The following KCNK10 variants were observed in gnomAD, a reference collection of about 807,000 sequenced individuals.
KCNK10 encodes the protein potassium two pore domain channel subfamily K member 10.
In KCNK10, 25 loss-of-function variants were observed where a neutral mutation model predicts 47.7. That is an observed-to-expected ratio of 0.52 (90% CI 0.38 to 0.73). The LOEUF (loss-of-function observed/expected upper bound fraction) is 0.73, where lower values mean the gene tolerates loss of function less well. KCNK10 is among the 30% of genes least tolerant of loss of function. The probability of loss-of-function intolerance (pLI) is 0.00; values close to 1 mark genes in which losing one functional copy is unlikely to be tolerated. For synonymous variants in KCNK10, 303 were observed against 285.6 expected (o/e 1.06, Z -0.61); for missense variants, 563 against 714.5 (o/e 0.79, Z 2.42).
chr14:88,208,427 T>C (rs61975831), intron 4 of KCNK10, among the ~76,000 whole-genome samples: 33,031 of 152,018 alleles, frequency 0.22, 4,683 homozygotes, highest in Non-Finnish European at 0.31. Context: ...AAAGGGTAGA[T>C]AAAAGAGAGA....
intron 2 of KCNK10, among the ~76,000 whole-genome samples, chr14:88,242,736 C>T (rs1433571671): frequency 2.0e-5 from 3 of 152,276 alleles, no homozygotes; most frequent in East Asian, 1.9e-4. Flanking sequence ...TCCTTTCCAC[C>T]GGTAGCATCT....
chr14:88,283,738 C>T (rs555581907), intron 1 of KCNK10, among the ~76,000 whole-genome samples: 2 of 152,042 alleles, frequency 1.3e-5, no homozygotes, highest in South Asian at 2.1e-4. Flanking sequence ...GGTGAAACCC[C>T]GTCTCTACCA....
In KCNK10 at chr14:88,192,249, C is replaced by T. The variant is rs771445031; in HGVS notation, c.843G>A (p.Thr281=). ...CTGCCACAAAATCACCAAAGCCCAC[C>T]GTGGTCAGAGTGACCACCACAAAGT... is the stretch of plus-strand genomic sequence containing the variant. ...SIYFVVVTLT[T]VGFGDFVAGG... The change falls in exon 5 of 7, where the codon ACG becomes ACA. Residue 281 remains threonine (T), a synonymous_variant. Transcript: ENST00000319231. The T allele has an allele frequency of 2.5e-5, 40 of 1,613,286 alleles. No homozygotes were observed. The Middle Eastern group carries it at 4.9e-4, about 20-fold the overall frequency.
In KCNK10 at chr14:88,183,066, A is replaced by G. The variant is rs378522; in HGVS notation, c.*2469T>C. ...AAGACACACATACACACAAACACAC[A>G]CAATCACAAGGATGCATGACACAGA... On this transcript the variant is annotated 3_prime_UTR_variant, in exon 7 of 7. Coordinates refer to ENST00000319231, the MANE Select transcript of KCNK10 (RefSeq NM_138317.3). 0.31 allele frequency: 47,858 copies of G among 152,258 alleles called. 7,971 individuals are homozygous for G. Among genetic ancestry groups the G allele is most frequent in the East Asian group, 0.56 (2,974 of 5,304 alleles). The allele number at this position is 152,258 out of a possible 1,614,324, so 9.4% of individuals were successfully genotyped here.
intron 5 of KCNK10, among the ~76,000 whole-genome samples, chr14:88,191,164 C>G (rs1884734041): frequency 3.9e-5 from 6 of 151,988 alleles, no homozygotes; most frequent in Admixed American, 3.3e-4. Flanking sequence ...GTGGGATGAT[C>G]ACTTGAGCCC....
chr14:88,250,429 C>T (rs76082235), intron 2 of KCNK10, among the ~76,000 whole-genome samples: 11,726 of 152,160 alleles, frequency 0.077, 1,153 homozygotes, highest in African/African-American at 0.23. Context: ...AGTTGTGCCC[C>T]TGGGCTCAAA....
Position 88,296,051 on chromosome 14 carries a change from G to C in KCNK10, c.52+26696C>G, listed in dbSNP as rs146120288. Among the ~76,000 whole-genome samples the C allele has an allele frequency of 2.1e-3, 322 of 152,312 alleles. 2 individuals carry two copies. Among genetic ancestry groups the C allele is most frequent in the African/African-American group, 7.2e-3 (300 of 41,558 alleles). ...AGTCCATGCACCTGGGCTATACACA[G>C]AGGAAGTTATTCCAGGTATTGGTAG... On this transcript the variant is annotated intron_variant, in intron 1 of 6. Coordinates refer to ENST00000319231, the MANE Select transcript of KCNK10 (RefSeq NM_138317.3).
At position 88,185,502 on chromosome 14, in the gene KCNK10, C is replaced by CACACAA; in HGVS notation, c.*32_*33insTTGTGT. 6.3e-7 allele frequency: 1 copy of CACACAA among 1,589,936 alleles called. No individual in the cohort carries two copies. On this transcript the variant is annotated 3_prime_UTR_variant, in exon 7 of 7. Transcript: ENST00000319231. The surrounding 1 kb of genome is among the most constrained non-coding windows in gnomAD (Gnocchi z 4.3). ...TTAAAAACACACACACACACACACA[C>CACACAA]AACGCTCAGTCCAAGACCAATGTCC...
chr14:88,180,196 T>C lies in KCNK10; in HGVS notation c.*5339A>G, dbSNP rs1566672988. ...CAAATAAAGACAATAGCAGCACAGC[T>C]TATTGAAATGTCACAAGCAAATTTG... On this transcript the variant is annotated 3_prime_UTR_variant, in exon 7 of 7. Transcript: ENST00000319231. 1 of 152,356 alleles carries C rather than the reference T, an allele frequency of 6.6e-6. No homozygotes were observed. The highest frequency in any genetic ancestry group is 1.5e-5 in the Non-Finnish European group (1 of 68,044). 9.4% of individuals were successfully genotyped at this position (152,356 alleles called of 1,614,324 possible). A position where few individuals can be genotyped will look rare whatever the true frequency, so the allele number is the denominator to read the frequency against.
intron 4 of KCNK10, among the ~76,000 whole-genome samples, chr14:88,226,545 T>C (rs976713220): frequency 6.6e-6 from 1 of 152,148 alleles, no homozygotes; most frequent in Non-Finnish European, 1.5e-5. Flanking sequence ...GACTTGAGAA[T>C]TAGGTCAGCG....
intron 5 of KCNK10, 38 bp from the exon 6 acceptor site, chr14:88,188,147 C>T: frequency 6.2e-7 from 1 of 1,609,242 alleles, no homozygotes; most frequent in Non-Finnish European, 8.5e-7. Flanking sequence ...CATGATCTAG[C>T]ATATGGTCTT....
intron 1 of KCNK10, among the ~76,000 whole-genome samples, chr14:88,303,517 C>T (rs374164989): frequency 3.3e-5 from 5 of 151,978 alleles, no homozygotes; most frequent in South Asian, 4.2e-4. Context: ...GGGTGGCTGG[C>T]GGCAATGCGG....
intron 4 of KCNK10, 75 bp from the exon 5 acceptor site, chr14:88,192,485 C>T (rs555299124): frequency 2.1e-5 from 27 of 1,288,488 alleles, no homozygotes; most frequent in Middle Eastern, 3.8e-4. Context: ...GCACAGAAAA[C>T]GGTACTGTGT....
intron 1 of KCNK10, among the ~76,000 whole-genome samples, chr14:88,321,751 T>C: frequency 6.6e-6 from 1 of 152,278 alleles, no homozygotes; most frequent in East Asian, 1.9e-4. Context: ...AAAGAAGAAA[T>C]GCGCTCATAA....
intron 1 of KCNK10, among the ~76,000 whole-genome samples, chr14:88,296,859 A>C (rs1887995533): frequency 6.6e-6 from 1 of 152,264 alleles, no homozygotes; most frequent in Admixed American, 6.5e-5. Flanking sequence ...CATGGTACCA[A>C]TATAGTATTG....
chr14:88,257,075 G>A (rs1886977538), intron 2 of KCNK10, among the ~76,000 whole-genome samples: 1 of 152,112 alleles, frequency 6.6e-6, no homozygotes. Context: ...TGCTGAGTCA[G>A]GTTTGAGTAA....
chr14:88,228,647 A>T (rs997280112), intron 3 of KCNK10, among the ~76,000 whole-genome samples: 9 of 152,148 alleles, frequency 5.9e-5, no homozygotes. Context: ...GCAACATGAT[A>T]AAAAAACGTT....
At chr14:88,295,591 C>T (rs1887968923) in intron 1 of KCNK10, among the ~76,000 whole-genome samples, 1 of 152,014 alleles carries the variant, frequency 6.6e-6, no homozygotes, top group Non-Finnish European at 1.5e-5. Flanking sequence ...ACCAGGGAGG[C>T]AGAGGTTGCA....
intron 1 of KCNK10, among the ~76,000 whole-genome samples, chr14:88,316,228 A>G (rs1416610265): frequency 1.3e-5 from 2 of 151,874 alleles, no homozygotes; most frequent in East Asian, 3.9e-4. Flanking sequence ...AGTGATTATG[A>G]CCCTTACTCC....
Sources: gnomAD v4.1 joint callset for allele counts (sites outside exome capture counted in the v4.1 genomes callset) on GRCh38, gnomAD v4.1.1 for gene constraint, Gnocchi (gnomAD v3.1) non-coding constraint, MANE v1.5 for transcripts, NCBI Gene and HGNC (gene_info 2026-07-23, HGNC 2026-07-21) for gene names.